Variants in BAX observed in about 807,000 individuals in gnomAD.
BAX encodes BCL2 associated X, apoptosis regulator, also known as apoptosis regulator BAX.
Under a neutral mutation model 26.8 loss-of-function variants are expected in BAX, and 21 were observed. That is an observed-to-expected ratio of 0.78 (90% confidence interval 0.56 to 1.13). The LOEUF (loss-of-function observed/expected upper bound fraction) is 1.13, where lower values mean the gene tolerates loss of function less well. Ranked by LOEUF, BAX falls within the 50% of genes most tolerant of loss-of-function variation. The pLI is 0.00. For synonymous variants in BAX, 110 were observed against 101.8 expected, an observed-to-expected ratio of 1.08 and a Z score of -0.49; for missense variants, 236 against 254.6, an observed-to-expected ratio of 0.93 and a Z score of 0.50.
chr19:48,960,247 G>A (rs1258178141), intron 4 of BAX: 1 of 447,184 alleles, frequency 2.2e-6, no homozygotes, highest in South Asian at 1.6e-5. Flanking sequence ...AGGCTGGCGT[G>A]AAATGGCGTG....
chr19:48,959,035 G>C (rs1036608892), intron 4 of BAX, among the ~76,000 whole-genome samples: 1 of 151,946 alleles, frequency 6.6e-6, no homozygotes, highest in Non-Finnish European at 1.5e-5. Context: ...CATGGTCAGG[G>C]GTTGATCTTC....
intron 4 of BAX, 37 bp from the exon 5 acceptor site, chr19:48,960,773 A>G: frequency 2.0e-6 from 3 of 1,527,030 alleles, no homozygotes; most frequent in Non-Finnish European, 2.7e-6. Flanking sequence ...CAGTGGGGAC[A>G]AGGTTCAGTC....
At chr19:48,955,412 G>C in intron 1 of BAX, 136 bp from the exon 2 acceptor site, 1 of 973,660 alleles carries the variant, frequency 1.0e-6, no homozygotes, top group Non-Finnish European at 1.5e-6. Flanking sequence ...GGGCCCCCCC[G>C]TCACTTTATC....
intron 4 of BAX, among the ~76,000 whole-genome samples, chr19:48,958,074 C>T (rs1600106982): frequency 7.3e-6 from 1 of 137,848 alleles, no homozygotes; most frequent in African/African-American, 2.7e-5. Flanking sequence ...CTGGTGGTAG[C>T]AGCAGAGGTG....
chr19:48,956,008 G>T (rs2038114727), intron 3 of BAX, 175 bp downstream of exon 3: 13 of 1,128,882 alleles, frequency 1.2e-5, no homozygotes, highest in Non-Finnish European at 1.6e-5. Context: ...CCCTCCTTCA[G>T]GGAGTCATTT....
At chr19:48,954,984 C>T (rs2038065550) in intron 1 of BAX, 22 bp downstream of exon 1, 8 of 1,201,232 alleles carry the variant, frequency 6.7e-6, no homozygotes, top group Non-Finnish European at 8.3e-6. Context: ...GGCAGACGGG[C>T]GGGAGGAGGG....
At chr19:48,956,437 G>C in intron 4 of BAX, 104 bp downstream of exon 4, 1 of 1,298,848 alleles carries the variant, frequency 7.7e-7, no homozygotes, top group East Asian at 2.7e-5. Context: ...TGACCACAGA[G>C]GGCATGGAGA....
In BAX at chr19:48,961,573, C is replaced by T. The variant is rs760456972; in HGVS notation, c.516C>T (p.Thr172=). The change falls in exon 6 of 6, where the codon ACC becomes ACT. Residue 172 remains threonine, a synonymous_variant. Transcript: ENST00000345358. The stretch of plus-strand genomic sequence containing the variant: ...ACTTTGGGACGCCCACGTGGCAGAC[C>T]GTGACCATCTTTGTGGCGGGAGTGC... ...LSYFGTPTWQ[T]VTIFVAGVLT... is the part of the protein sequence containing the mutation. The T allele has an allele frequency of 2.5e-5, 40 of 1,611,820 alleles. No homozygotes were observed. Among genetic ancestry groups the T allele is most frequent in the Non-Finnish European group, 2.6e-5 (31 of 1,179,126 alleles).
In BAX at chr19:48,954,899, C is replaced by A. The variant is rs923440286; in HGVS notation, c.-30C>A. 2.4e-6 allele frequency: 3 copies of A among 1,228,650 alleles called. No individual in the cohort carries two copies. The highest frequency in any genetic ancestry group is 6.3e-5 in the East Asian group (2 of 31,520). The allele number at this position is 1,228,650 out of a possible 1,614,324, so 76.1% of individuals were successfully genotyped here. A position where few individuals can be genotyped will look rare whatever the true frequency, so the allele number is the denominator to read the frequency against. Reference sequence around the variant, plus strand: ...CGCGCTGCGGCCGCCCGCGCGGACCCGGCGAGAGGCGGCGGCGGGAGCGGC... The same window carrying A: ...CGCGCTGCGGCCGCCCGCGCGGACCAGGCGAGAGGCGGCGGCGGGAGCGGC... On this transcript the variant is annotated 5_prime_UTR_variant, in exon 1 of 6. Coordinates refer to ENST00000345358, the MANE Select transcript of BAX (RefSeq NM_138761.4).
At position 48,956,229 on chromosome 19, in the gene BAX, C is replaced by G. The variant is rs754446832; in HGVS notation, c.265C>G (p.Arg89Gly). Residue 89 changes from arginine to glycine, a missense_variant, in exon 4 of 6, where the codon CGA (arginine) becomes GGA (glycine). By Grantham distance (125) the Arg-to-Gly change is moderately radical. Transcript: ENST00000345358. ...MIAAVDTDSPREVFFRVAADM... is the reference protein window; with the variant it reads ...MIAAVDTDSPGEVFFRVAADM... Reference sequence around the variant, plus strand: ...TGCCGCCGTGGACACAGACTCCCCCCGAGAGGTCTTTTTCCGAGTGGCAGC... The same window carrying G: ...TGCCGCCGTGGACACAGACTCCCCCGGAGAGGTCTTTTTCCGAGTGGCAGC... The G allele has an allele frequency of 1.2e-5, 19 of 1,585,680 alleles. 1 individual carries two copies. The highest frequency in any genetic ancestry group is 2.3e-5 in the South Asian group (2 of 87,798).
At chr19:48,959,225 T>C (rs7255991) in intron 4 of BAX, among the ~76,000 whole-genome samples, 84,392 of 150,980 alleles carry the variant, frequency 0.56, 23,741 homozygotes, top group South Asian at 0.69. Flanking sequence ...TGGTGGGCAC[T>C]TGTAGTCCCA....
Position 48,956,218 on chromosome 19 carries a change from C to T in BAX, c.254C>T (p.Thr85Ile). 1 of 1,560,842 alleles carries T rather than the reference C, an allele frequency of 6.4e-7. No homozygotes were observed. The highest frequency in any genetic ancestry group is 8.7e-7 in the Non-Finnish European group (1 of 1,153,642). The change falls in exon 4 of 6, where the codon ACA (threonine) becomes ATA (isoleucine). Residue 85 changes from threonine (T) to isoleucine (I), a missense_variant. By Grantham distance (89) the Thr-to-Ile change is moderately conservative. Transcript: ENST00000345358. The stretch of plus-strand genomic sequence containing the variant: ...TGCAGGATGATTGCCGCCGTGGACA[C>T]AGACTCCCCCCGAGAGGTCTTTTTC... The part of the protein sequence containing the change: ...ELQRMIAAVD[T>I]DSPREVFFRV...
intron 5 of BAX, 102 bp from the exon 6 acceptor site, chr19:48,961,430 G>T (rs144629839): frequency 1.6e-6 from 2 of 1,241,620 alleles, no homozygotes; most frequent in Non-Finnish European, 2.3e-6. Context: ...TCCCCTGCCC[G>T]CAATCCTGCC....
intron 5 of BAX, 138 bp from the exon 6 acceptor site, chr19:48,961,394 A>G: frequency 1.7e-6 from 2 of 1,179,364 alleles, no homozygotes; most frequent in Non-Finnish European, 2.4e-6. Context: ...GCCTGAGTCC[A>G]GCTCTTTAAT....
At position 48,954,948 on chromosome 19, in the gene BAX, A is replaced by T; in HGVS notation, c.20A>T (p.Gln7Leu). MDGSGE[Q>L]PRGGGPTSSE... Reference sequence around the variant, plus strand: ...GCGGTGATGGACGGGTCCGGGGAGCAGCCCAGAGGCGGGGGTGAGGCGGGA... The same window carrying T: ...GCGGTGATGGACGGGTCCGGGGAGCTGCCCAGAGGCGGGGGTGAGGCGGGA... Residue 7 changes from glutamine to leucine, a missense_variant, in exon 1 of 6, where the codon CAG becomes CTG. By Grantham distance (113) the Gln-to-Leu change is moderately radical. Transcript: ENST00000345358. The T allele has an allele frequency of 3.2e-6, 4 of 1,245,464 alleles. No homozygotes were observed. The highest frequency in any genetic ancestry group is 4.0e-6 in the Non-Finnish European group (4 of 993,556). The allele number at this position is 1,245,464 out of a possible 1,614,324, so 77.2% of individuals were successfully genotyped here.
At chr19:48,955,082 T>A in intron 1 of BAX, 120 bp downstream of exon 1, 2 of 1,171,678 alleles carry the variant, frequency 1.7e-6, no homozygotes, top group Non-Finnish European at 2.1e-6. Flanking sequence ...AACTCCCGGA[T>A]CGGGCGCTGC....
chr19:48,961,342 C>T, intron 5 of BAX, 190 bp from the exon 6 acceptor site: 2 of 1,307,252 alleles, frequency 1.5e-6, no homozygotes, highest in Non-Finnish European at 2.0e-6. Flanking sequence ...CCGCCTCAGC[C>T]TCTCAAAGTG....
intron 4 of BAX, chr19:48,960,380 T>A: frequency 3.0e-6 from 1 of 328,658 alleles, no homozygotes; most frequent in South Asian, 2.3e-5. Context: ...TTATTTATTT[T>A]GAGATGGAGT....
chr19:48,955,456 C>T (rs2038086052), intron 1 of BAX, 92 bp from the exon 2 acceptor site: 1 of 1,437,242 alleles, frequency 7.0e-7, no homozygotes, highest in Non-Finnish European at 9.4e-7. Flanking sequence ...GTCCCCAGCT[C>T]TGTCCTCCCT....
Sources: gnomAD v4.1 joint callset for allele counts (sites outside exome capture counted in the v4.1 genomes callset) on GRCh38, gnomAD v4.1.1 for gene constraint, MANE v1.5 for transcripts, NCBI Gene and HGNC (gene_info 2026-07-23, HGNC 2026-07-21) for gene names.